ADAM17: variants seen among roughly 807,000 people sequenced by gnomAD.
ADAM17 encodes disintegrin and metalloproteinase domain-containing protein 17.
In ADAM17, 39 loss-of-function variants were observed where a neutral mutation model predicts 96.7. The observed-to-expected ratio is 0.40, with a 90% confidence interval of 0.31 to 0.53. ADAM17 has a LOEUF of 0.53. Among genes scored for constraint, ADAM17 ranks in the 20% least tolerant of loss-of-function variants. ADAM17 has a pLI of 0.44. For synonymous variants in ADAM17, 344 were observed against 359.2 expected, an observed-to-expected ratio of 0.96 and a Z score of 0.48; for missense variants, 777 against 1,013.2, an observed-to-expected ratio of 0.77 and a Z score of 3.17.
intron 5 of ADAM17, 143 bp downstream of exon 5, chr2:9,527,643 T>G: frequency 2.0e-6 from 1 of 509,168 alleles, no homozygotes; most frequent in Non-Finnish European, 3.1e-6. Context: ...AGATGAAAAT[T>G]TCTGGAACAA....
At chr2:9,514,677 T>C (rs1003382513) in intron 10 of ADAM17, among the ~76,000 whole-genome samples, 6 of 150,422 alleles carry the variant, frequency 4.0e-5, no homozygotes, top group South Asian at 4.2e-4. Context: ...ATTGAGACCA[T>C]CCTGGCTAAC....
intron 16 of ADAM17, among the ~76,000 whole-genome samples, chr2:9,493,230 G>A (rs1005410093): frequency 2.0e-5 from 3 of 152,176 alleles, no homozygotes; most frequent in African/African-American, 7.2e-5. Flanking sequence ...CATGTTACCT[G>A]GAGTAGCTGT....
At chr2:9,502,453 C>A (rs1235272851) in intron 12 of ADAM17, among the ~76,000 whole-genome samples, 177 bp from the exon 13 acceptor site, 1 of 152,176 alleles carries the variant, frequency 6.6e-6, no homozygotes, top group East Asian at 1.9e-4. Context: ...CACACTTTGT[C>A]CCTTCCTAAT....
At chr2:9,532,638 ATT>A (rs70948827) in intron 4 of ADAM17, among the ~76,000 whole-genome samples, 17 of 114,260 alleles carry the variant, frequency 1.5e-4, no homozygotes, top group East Asian at 2.2e-4. Context: ...TGCCCAGCTA[ATT>A]TTTTTTTTTT....
chr2:9,499,373 G>C (rs1053619311), intron 13 of ADAM17, among the ~76,000 whole-genome samples: 4 of 151,990 alleles, frequency 2.6e-5, no homozygotes, highest in Non-Finnish European at 4.4e-5. Flanking sequence ...TTTAAAGCTT[G>C]ATTTAGATAT....
At position 9,506,125 on chromosome 2, in the gene ADAM17, G is replaced by A. The variant is rs534649601; in HGVS notation, c.1345-760C>T. Among the ~76,000 whole-genome samples the A allele has an allele frequency of 3.3e-5, 5 of 152,038 alleles. No homozygotes were observed. The East Asian group carries it at 5.8e-4, about 18-fold the overall frequency. On this transcript the variant is annotated intron_variant, in intron 11 of 18. Transcript: ENST00000310823. The stretch of plus-strand genomic sequence containing the variant: ...AAAAAGAAGAGGCTTAGGGAAAACT[G>A]AGCATAGTTACTTCTTAGGTCGGGG...
At chr2:9,525,705 C>T (rs1012744096) in intron 6 of ADAM17, among the ~76,000 whole-genome samples, 3 of 152,156 alleles carry the variant, frequency 2.0e-5, no homozygotes, top group Non-Finnish European at 1.5e-5. Flanking sequence ...ACAAACAAAA[C>T]TCGCCTTCCT....
intron 2 of ADAM17, among the ~76,000 whole-genome samples, chr2:9,542,140 T>G (rs1665229932): frequency 6.6e-6 from 1 of 152,216 alleles, no homozygotes; most frequent in Non-Finnish European, 1.5e-5. Context: ...CTGCAATTAT[T>G]TAACATTTCA....
intron 1 of ADAM17, 87 bp from the exon 2 acceptor site, chr2:9,543,372 T>C (rs980863984): frequency 4.2e-6 from 5 of 1,202,508 alleles, no homozygotes; most frequent in East Asian, 2.9e-5. Context: ...ACAATAAATC[T>C]TTCCTGATGT....
chr2:9,514,861 C>T (rs1000208470), intron 10 of ADAM17, among the ~76,000 whole-genome samples: 3 of 151,838 alleles, frequency 2.0e-5, no homozygotes, highest in Non-Finnish European at 2.9e-5. Context: ...GGAGACACAG[C>T]GAGACTCCAT....
At chr2:9,532,326 C>T (rs1270014854) in intron 4 of ADAM17, among the ~76,000 whole-genome samples, 1 of 151,992 alleles carries the variant, frequency 6.6e-6, no homozygotes, top group African/African-American at 2.4e-5. Context: ...AATCACCACA[C>T]TTATGAACTA....
intron 13 of ADAM17, among the ~76,000 whole-genome samples, chr2:9,501,701 C>A (rs1029074826): frequency 6.6e-6 from 1 of 152,154 alleles, no homozygotes; most frequent in African/African-American, 2.4e-5. Context: ...CATTCATTAT[C>A]CCAAGATTGT....
At chr2:9,524,545 C>T (rs1664442937) in intron 6 of ADAM17, among the ~76,000 whole-genome samples, 1 of 152,068 alleles carries the variant, frequency 6.6e-6, no homozygotes, top group East Asian at 1.9e-4. Flanking sequence ...TCTAACCACA[C>T]CCCCGCACTG....
At chr2:9,538,488 A>G (rs577379206) in intron 2 of ADAM17, among the ~76,000 whole-genome samples, 1 of 152,336 alleles carries the variant, frequency 6.6e-6, no homozygotes, top group South Asian at 2.1e-4. Context: ...ATCCTAAAAC[A>G]TATCTTCCCA....
At chr2:9,499,309 CTATTT>C (rs1314274078) in intron 13 of ADAM17, among the ~76,000 whole-genome samples, 1 of 152,058 alleles carries the variant, frequency 6.6e-6, no homozygotes, top group Non-Finnish European at 1.5e-5. Flanking sequence ...TTTTCTCAAT[CTATTT>C]TATTATTACA....
At chr2:9,518,389 C>T in intron 8 of ADAM17, 142 bp from the exon 9 acceptor site, 1 of 1,053,948 alleles carries the variant, frequency 9.5e-7, no homozygotes, top group Middle Eastern at 3.3e-4. Context: ...GCAATCACAA[C>T]CTCGTGCAGT....
At chr2:9,542,574 G>C (rs961305603) in intron 2 of ADAM17, among the ~76,000 whole-genome samples, 1 of 151,708 alleles carries the variant, frequency 6.6e-6, no homozygotes, top group Non-Finnish European at 1.5e-5. Context: ...AAAAACAAAA[G>C]GTTTTATAAG....
intron 10 of ADAM17, among the ~76,000 whole-genome samples, chr2:9,511,633 C>T (rs890952610): frequency 7.2e-5 from 11 of 151,970 alleles, no homozygotes; most frequent in Non-Finnish European, 1.3e-4. Context: ...ATAAATTTTG[C>T]CAATAAAGCT....
intron 13 of ADAM17, among the ~76,000 whole-genome samples, chr2:9,501,130 C>A (rs944835366): frequency 6.6e-6 from 1 of 151,982 alleles, no homozygotes; most frequent in African/African-American, 2.4e-5. Context: ...ACATGAAACC[C>A]AATTTTTAAA....
Sources: gnomAD v4.1 joint callset for allele counts (sites outside exome capture counted in the v4.1 genomes callset) on GRCh38, gnomAD v4.1.1 for gene constraint, MANE v1.5 for transcripts, NCBI Gene and HGNC (gene_info 2026-07-23, HGNC 2026-07-21) for gene names.